Variants in CDKAL1 observed in about 807,000 individuals in gnomAD.
The protein encoded by CDKAL1 is CDKAL1 threonylcarbamoyladenosine tRNA methylthiotransferase.
A neutral mutation model predicts 68.2 loss-of-function variants in CDKAL1; 32 were observed. The ratio of observed to expected loss-of-function variants is 0.47; its 90% confidence interval spans 0.35 to 0.63. The LOEUF (loss-of-function observed/expected upper bound fraction) is 0.63, where lower values mean the gene tolerates loss of function less well. Ranked by LOEUF, CDKAL1 falls within the 30% of genes least tolerant of loss-of-function variation. The pLI is 0.00. For missense variants in CDKAL1, 606 were observed against 696.7 expected, an observed-to-expected ratio of 0.87 and a Z score of 1.47; for synonymous variants, 234 against 244.3, an observed-to-expected ratio of 0.96 and a Z score of 0.39.
At chr6:21,189,810 T>C (rs1212162283) in intron 13 of CDKAL1, among the ~76,000 whole-genome samples, 3 of 152,192 alleles carry the variant, frequency 2.0e-5, no homozygotes, top group African/African-American at 7.2e-5. Flanking sequence ...GTTCTTTAAT[T>C]CCAGCTTCTG....
At chr6:20,864,488 AT>A (rs2150529328) in intron 9 of CDKAL1, among the ~76,000 whole-genome samples, 1 of 152,284 alleles carries the variant, frequency 6.6e-6, no homozygotes, top group African/African-American at 2.4e-5. Flanking sequence ...TGATGTTTAC[AT>A]TTTACATATT....
At chr6:20,669,000 T>C (rs1274425581) in intron 5 of CDKAL1, among the ~76,000 whole-genome samples, 1 of 152,208 alleles carries the variant, frequency 6.6e-6, no homozygotes, top group Non-Finnish European at 1.5e-5. Flanking sequence ...CAGTGTGTCA[T>C]ACCAAGAAGA....
chr6:20,784,073 C>T (rs1019505377), intron 8 of CDKAL1, among the ~76,000 whole-genome samples: 18 of 151,978 alleles, frequency 1.2e-4, no homozygotes, highest in South Asian at 8.3e-4. Context: ...ATTAGCTGGG[C>T]GTGGCGGCGC....
At chr6:21,038,209 G>A (rs1769700181) in intron 11 of CDKAL1, among the ~76,000 whole-genome samples, 1 of 152,220 alleles carries the variant, frequency 6.6e-6, no homozygotes, top group South Asian at 2.1e-4. Context: ...TTAAGTAGAG[G>A]CCTGAACAGA....
chr6:20,604,866 G>A (rs1045623581), intron 4 of CDKAL1, among the ~76,000 whole-genome samples: 1 of 152,228 alleles, frequency 6.6e-6, no homozygotes, highest in African/African-American at 2.4e-5. Context: ...GTTACACCTA[G>A]TAACTCACTT....
chr6:21,004,791 C>CA (rs930968882), intron 11 of CDKAL1, among the ~76,000 whole-genome samples: 2 of 151,630 alleles, frequency 1.3e-5, no homozygotes, highest in African/African-American at 4.9e-5. Context: ...CGTATCTCTA[C>CA]AAAAAAATAA....
At position 20,714,535 on chromosome 6, in the gene CDKAL1, C is replaced by T. The variant is rs537301920; in HGVS notation, c.372-24984C>T. On this transcript the variant is annotated intron_variant, in intron 5 of 15. Transcript: ENST00000274695. ...TCCCAAGTAGCTGACACTACAGGTG[C>T]GCACCCACCATGCCTGGCTAAATTT... is the stretch of plus-strand genomic sequence containing the variant. Among the ~76,000 whole-genome samples, 12 of 151,472 alleles carry T rather than the reference C, an allele frequency of 7.9e-5. No homozygotes were observed. The South Asian group carries it at 1.5e-3, about 18-fold the overall frequency.
At chr6:20,751,024 G>T (rs1773901040) in intron 6 of CDKAL1, among the ~76,000 whole-genome samples, 1 of 142,098 alleles carries the variant, frequency 7.0e-6, no homozygotes, top group Middle Eastern at 3.7e-3. Context: ...AGTAGTGTTT[G>T]AGGATTAAGT....
intron 5 of CDKAL1, among the ~76,000 whole-genome samples, chr6:20,729,156 A>G (rs1772790160): frequency 1.3e-5 from 2 of 152,148 alleles, no homozygotes; most frequent in South Asian, 2.1e-4. Flanking sequence ...AAACTCCCCT[A>G]ATGTTGGGGA....
intron 4 of CDKAL1, among the ~76,000 whole-genome samples, chr6:20,568,207 C>T (rs924802595): frequency 3.3e-5 from 5 of 151,806 alleles, no homozygotes; most frequent in African/African-American, 9.7e-5. Flanking sequence ...TTTGTAGAGA[C>T]GGAGTCTTGC....
At chr6:21,135,611 A>T in intron 13 of CDKAL1, 1 of 813,808 alleles carries the variant, frequency 1.2e-6, no homozygotes, top group Non-Finnish European at 1.5e-6. Flanking sequence ...TTGACTACAT[A>T]ATTACAACAT....
At chr6:20,646,048 A>ATTTTTTTTTT (rs1171622769) in intron 4 of CDKAL1, among the ~76,000 whole-genome samples, 8 of 87,402 alleles carry the variant, frequency 9.2e-5, no homozygotes, top group African/African-American at 1.8e-4. Context: ...TCACGGTTAA[A>ATTTTTTTTTT]TTTTTTTTTT....
chr6:21,052,457 T>C (rs1346385792), intron 11 of CDKAL1, among the ~76,000 whole-genome samples: 21 of 151,838 alleles, frequency 1.4e-4, no homozygotes, highest in Non-Finnish European at 2.8e-4. Context: ...CAAGTGGTTC[T>C]CCCACCTCAG....
At chr6:20,955,774 CTCA>C (rs1764747621) in intron 10 of CDKAL1, among the ~76,000 whole-genome samples, 189 bp downstream of exon 10, 1 of 152,004 alleles carries the variant, frequency 6.6e-6, no homozygotes, top group South Asian at 2.1e-4. Flanking sequence ...TTTTTACTTC[CTCA>C]TCATTAATTA....
chr6:20,708,796 A>C (rs1304269671), intron 5 of CDKAL1, among the ~76,000 whole-genome samples: 2 of 151,716 alleles, frequency 1.3e-5, no homozygotes, highest in African/African-American at 4.8e-5. Context: ...ACTTTTCTAC[A>C]ATTTCTGGTC....
At chr6:20,987,425 T>G (rs1210934495) in intron 10 of CDKAL1, among the ~76,000 whole-genome samples, 2 of 152,122 alleles carry the variant, frequency 1.3e-5, no homozygotes, top group Non-Finnish European at 2.9e-5. Flanking sequence ...CAGCTAATTT[T>G]TGTATTTTTA....
chr6:20,933,000 G>C (rs1321733839), intron 9 of CDKAL1, among the ~76,000 whole-genome samples: 1 of 152,170 alleles, frequency 6.6e-6, no homozygotes, highest in African/African-American at 2.4e-5. Context: ...AACTTGTCCA[G>C]ACATTGAGTT....
chr6:20,956,065 T>C (rs1466474783), intron 10 of CDKAL1, among the ~76,000 whole-genome samples: 1 of 152,242 alleles, frequency 6.6e-6, no homozygotes, highest in Non-Finnish European at 1.5e-5. Context: ...AGGGGTGAAG[T>C]TGAATCAGAG....
chr6:20,585,201 C>T (rs867432161), intron 4 of CDKAL1, among the ~76,000 whole-genome samples: 11 of 152,082 alleles, frequency 7.2e-5, no homozygotes, highest in Middle Eastern at 3.4e-3. Flanking sequence ...GGACTACAGG[C>T]GCCCACCACC....
Sources: gnomAD v4.1 joint callset for allele counts (sites outside exome capture counted in the v4.1 genomes callset) on GRCh38, gnomAD v4.1.1 for gene constraint, MANE v1.5 for transcripts, NCBI Gene and HGNC (gene_info 2026-07-23, HGNC 2026-07-21) for gene names.